Variants in RAPGEF2 observed in about 807,000 individuals in gnomAD.
RAPGEF2 encodes PDZ domain containing guanine nucleotide exchange factor (GEF) 1.
Under a neutral mutation model 186.7 loss-of-function variants are expected in RAPGEF2, and 54 were observed. That is an observed-to-expected ratio of 0.29 (90% CI 0.23 to 0.36). The LOEUF is 0.36. Among genes scored for constraint, RAPGEF2 ranks in the 10% least tolerant of loss-of-function variants. The pLI is 1.00. For missense variants in RAPGEF2, 1,532 were observed against 2,045.0 expected, an observed-to-expected ratio of 0.75 and a Z score of 4.84; for synonymous variants, 712 against 705.9, an observed-to-expected ratio of 1.01 and a Z score of -0.14.
At position 159,353,185 on chromosome 4, in the gene RAPGEF2, T is replaced by G. The variant is rs1731448243; in HGVS notation, c.4091+275T>G. ...TAGGATCCATCCCAGTTGTTTCGTA[T>G]GAGCTGCCTTCCTGAAATAATCAAA... On this transcript the variant is annotated intron_variant, in intron 27 of 29. Coordinates refer to ENST00000691494, the MANE Select transcript of RAPGEF2 (RefSeq NM_001394067.2). This position sits in a 1 kb window ranked among gnomAD's most constrained non-coding sequence, Gnocchi z 4.3. 6.6e-6 allele frequency among the ~76,000 whole-genome samples: 1 copy of G among 152,150 alleles called. No individual in the cohort carries two copies. Among genetic ancestry groups the G allele is most frequent in the Non-Finnish European group, 1.5e-5 (1 of 68,036 alleles).
intron 1 of RAPGEF2, among the ~76,000 whole-genome samples, chr4:159,105,680 T>A (rs774840512): frequency 1.3e-5 from 2 of 152,266 alleles, no homozygotes; most frequent in Non-Finnish European, 2.9e-5. Flanking sequence ...TTCCTATGCC[T>A]TTCTCATCTA....
intron 7 of RAPGEF2, among the ~76,000 whole-genome samples, chr4:159,250,599 G>A (rs759519620): frequency 5.9e-5 from 9 of 151,616 alleles, no homozygotes; most frequent in Non-Finnish European, 1.2e-4. Flanking sequence ...GACATTTGAG[G>A]GTATTAGAAA....
At chr4:159,267,954 G>C (rs548787709) in intron 7 of RAPGEF2, 2 of 1,371,684 alleles carry the variant, frequency 1.5e-6, no homozygotes, top group East Asian at 5.5e-5. Flanking sequence ...GACGAACACT[G>C]TTGTTCGGAT....
intron 1 of RAPGEF2, among the ~76,000 whole-genome samples, chr4:159,173,431 G>T (rs1200785580): frequency 6.6e-6 from 1 of 152,136 alleles, no homozygotes; most frequent in East Asian, 1.9e-4. Flanking sequence ...TTAGAAACTT[G>T]AGGTTTCCTG....
chr4:159,316,043 C>A (rs1764554360), intron 9 of RAPGEF2, among the ~76,000 whole-genome samples: 5 of 152,194 alleles, frequency 3.3e-5, no homozygotes, highest in Admixed American at 3.3e-4. Context: ...TTCCATGACA[C>A]TGAGGCTACC....
At chr4:159,251,702 C>G (rs1252567535) in intron 7 of RAPGEF2, among the ~76,000 whole-genome samples, 1 of 152,088 alleles carries the variant, frequency 6.6e-6, no homozygotes, top group African/African-American at 2.4e-5. Context: ...CTGTGTCTAG[C>G]TCAGGGATTA....
At chr4:159,211,873 T>C (rs1750566901) in intron 4 of RAPGEF2, among the ~76,000 whole-genome samples, 1 of 152,200 alleles carries the variant, frequency 6.6e-6, no homozygotes, top group African/African-American at 2.4e-5. Context: ...GTAGCAATAG[T>C]CTTAGAAATG....
intron 4 of RAPGEF2, among the ~76,000 whole-genome samples, chr4:159,222,417 A>G (rs1751630773): frequency 6.6e-6 from 1 of 152,128 alleles, no homozygotes; most frequent in African/African-American, 2.4e-5. Flanking sequence ...ATTGTTTGTG[A>G]TCCTTGCTAT....
At chr4:159,163,859 T>A (rs1043362361) in intron 1 of RAPGEF2, among the ~76,000 whole-genome samples, 1 of 152,178 alleles carries the variant, frequency 6.6e-6, no homozygotes, top group Non-Finnish European at 1.5e-5. Context: ...GGGGTCTGTC[T>A]AGATGAGTGT....
At chr4:159,259,560 G>T (rs932564232) in intron 7 of RAPGEF2, among the ~76,000 whole-genome samples, 1 of 152,084 alleles carries the variant, frequency 6.6e-6, no homozygotes, top group East Asian at 1.9e-4. Context: ...CATAACAAAG[G>T]GATGACCGTG....
rs368068604 is a variant in RAPGEF2, at chr4:159,142,942, T to G, written c.69+38711T>G. On this transcript the variant is annotated intron_variant, in intron 1 of 29. Transcript: ENST00000691494. ...CCAGGGACTCTGGTTCTAAAACTTG[T>G]GCTCCTAAGCATTGTGTTAGAATGG... Among the ~76,000 whole-genome samples, 3 of 152,244 alleles carry G rather than the reference T, an allele frequency of 2.0e-5. No individual in the cohort carries two copies. The East Asian group carries it at 5.8e-4, about 29-fold the overall frequency.
At chr4:159,136,791 T>C (rs566864066) in intron 1 of RAPGEF2, among the ~76,000 whole-genome samples, 2 of 152,334 alleles carry the variant, frequency 1.3e-5, no homozygotes, top group East Asian at 3.9e-4. Flanking sequence ...GAATATAATA[T>C]AATTTTATGA....
intron 3 of RAPGEF2, among the ~76,000 whole-genome samples, chr4:159,195,624 C>T (rs1053370562): frequency 1.6e-4 from 25 of 152,150 alleles, no homozygotes; most frequent in Non-Finnish European, 3.2e-4. Flanking sequence ...TGAGCCCAGA[C>T]ATTGTGATTC....
In RAPGEF2 at chr4:159,352,959, T is replaced by A. The variant is rs747834749; in HGVS notation, c.4091+49T>A. ...TTCTGAATTTATCCTTCCATCTCTGTTTTAATAATGAGTCTTTTCTTCCAG... is the reference window on the plus strand; with the variant it reads ...TTCTGAATTTATCCTTCCATCTCTGATTTAATAATGAGTCTTTTCTTCCAG... On this transcript the variant is annotated intron_variant, in intron 27 of 29. Transcript: ENST00000691494. The A allele has an allele frequency of 9.7e-6, 14 of 1,448,566 alleles. 1 individual carries two copies. The South Asian group carries it at 1.1e-4, about 12-fold the overall frequency. 89.7% of individuals were successfully genotyped at this position (1,448,566 alleles called of 1,614,324 possible). A position where few individuals can be genotyped will look rare whatever the true frequency, so the allele number is the denominator to read the frequency against.
chr4:159,182,176 C>T (rs1039527758), intron 1 of RAPGEF2, among the ~76,000 whole-genome samples: 3 of 151,958 alleles, frequency 2.0e-5, no homozygotes, highest in East Asian at 1.9e-4. Flanking sequence ...TTGGAAATAT[C>T]GGAGTACAGA....
At chr4:159,195,886 T>TG (rs1260174130) in intron 3 of RAPGEF2, among the ~76,000 whole-genome samples, 2 of 144,736 alleles carry the variant, frequency 1.4e-5, no homozygotes, top group East Asian at 2.0e-4. Flanking sequence ...TTTTTTTTTT[T>TG]TTTTTTTTTT....
At position 159,113,376 on chromosome 4, in the gene RAPGEF2, A is replaced by G. The variant is rs188025028; in HGVS notation, c.69+9145A>G. Among the ~76,000 whole-genome samples the G allele has an allele frequency of 1.4e-3, 218 of 152,286 alleles. 1 individual carries two copies. The highest frequency in any genetic ancestry group is 4.6e-4 in the Non-Finnish European group (31 of 68,020). On this transcript the variant is annotated intron_variant, in intron 1 of 29. Coordinates refer to ENST00000691494, the MANE Select transcript of RAPGEF2 (RefSeq NM_001394067.2). The stretch of plus-strand genomic sequence containing the variant: ...AAAATTATTTAAAAATTCAAAGTTA[A>G]AAAAAGGAAGCATAGCTTTTGAAGT...
At chr4:159,330,120 A>G (rs1429994001) in intron 12 of RAPGEF2, 110 bp downstream of exon 12, 1 of 1,168,864 alleles carries the variant, frequency 8.6e-7, no homozygotes, top group East Asian at 2.5e-5. Flanking sequence ...AAAGGTTATC[A>G]GTTGTGAAAA....
At chr4:159,107,943 G>A (rs975703183) in intron 1 of RAPGEF2, among the ~76,000 whole-genome samples, 1 of 151,944 alleles carries the variant, frequency 6.6e-6, no homozygotes, top group Non-Finnish European at 1.5e-5. Flanking sequence ...CCCATTTTGG[G>A]GCTCTAGTAA....
Sources: gnomAD v4.1 joint callset for allele counts (sites outside exome capture counted in the v4.1 genomes callset) on GRCh38, gnomAD v4.1.1 for gene constraint, Gnocchi (gnomAD v3.1) non-coding constraint, MANE v1.5 for transcripts, NCBI Gene and HGNC (gene_info 2026-07-23, HGNC 2026-07-21) for gene names.